Variants in LUZP2 observed in about 807,000 individuals in gnomAD.
LUZP2 encodes leucine zipper protein 2.
In LUZP2, 52 loss-of-function variants were observed where a neutral mutation model predicts 51.6. The observed-to-expected ratio is 1.01, with a 90% CI of 0.81 to 1.27. LUZP2 has a LOEUF of 1.27. Among genes scored for constraint, LUZP2 ranks in the 50% most tolerant of loss-of-function variants. The probability of loss-of-function intolerance (pLI) is 0.00; values close to 1 mark genes in which losing one functional copy is unlikely to be tolerated. For synonymous variants in LUZP2, 154 were observed against 137.3 expected (o/e 1.12, Z -0.85); for missense variants, 436 against 395.4 (o/e 1.10, Z -0.87).
chr11:24,617,160 T>C (rs898938089), intron 1 of LUZP2, among the ~76,000 whole-genome samples: 2 of 152,228 alleles, frequency 1.3e-5, no homozygotes, highest in African/African-American at 2.4e-5. Flanking sequence ...TTTTTCATTC[T>C]ATTTTCTTTA....
chr11:24,683,379 A>C (rs1474803567), intron 1 of LUZP2, among the ~76,000 whole-genome samples: 1 of 152,154 alleles, frequency 6.6e-6, no homozygotes, highest in African/African-American at 2.4e-5. Context: ...GGGCTTCTTT[A>C]TTTAGGAGTG....
intron 1 of LUZP2, among the ~76,000 whole-genome samples, chr11:24,497,700 G>C (rs1485259436): frequency 6.6e-6 from 1 of 152,158 alleles, no homozygotes; most frequent in Non-Finnish European, 1.5e-5. Context: ...AATAACCATA[G>C]AGCTTCTCCC....
intron 7 of LUZP2, among the ~76,000 whole-genome samples, chr11:24,941,946 G>T (rs926298014): frequency 6.6e-6 from 1 of 151,460 alleles, no homozygotes; most frequent in African/African-American, 2.4e-5. Flanking sequence ...TCCATGCCCT[G>T]CTTTCTTTTA....
intron 7 of LUZP2, among the ~76,000 whole-genome samples, chr11:24,968,986 C>A (rs973273030): frequency 1.2e-4 from 18 of 152,166 alleles, no homozygotes; most frequent in Admixed American, 5.2e-4. Flanking sequence ...TGTCTAGAAG[C>A]AGATAATTTG....
chr11:24,990,993 A>G (rs543095168), intron 9 of LUZP2, among the ~76,000 whole-genome samples: 1 of 151,552 alleles, frequency 6.6e-6, no homozygotes, highest in African/African-American at 2.4e-5. Flanking sequence ...TCCATAGGTT[A>G]TTGGAGAACA....
chr11:24,649,984 C>G (rs1000953908), intron 1 of LUZP2, among the ~76,000 whole-genome samples: 45 of 140,668 alleles, frequency 3.2e-4, no homozygotes, highest in Admixed American at 1.3e-3. Context: ...GAGACACACA[C>G]ACACACACAC....
chr11:24,866,804 A>G (rs1027449092), intron 5 of LUZP2, among the ~76,000 whole-genome samples: 8 of 152,170 alleles, frequency 5.3e-5, no homozygotes, highest in African/African-American at 1.7e-4. Flanking sequence ...TAATTAGTGC[A>G]GAAGTGTAGA....
chr11:24,910,041 A>G (rs1278542105), intron 6 of LUZP2, among the ~76,000 whole-genome samples: 3 of 152,148 alleles, frequency 2.0e-5, no homozygotes, highest in Non-Finnish European at 2.9e-5. Flanking sequence ...GGAGATGAAG[A>G]ACTTGTTGGG....
At chr11:24,902,261 A>G (rs1192198245) in intron 5 of LUZP2, among the ~76,000 whole-genome samples, 2 of 152,130 alleles carry the variant, frequency 1.3e-5, no homozygotes, top group African/African-American at 4.8e-5. Context: ...TTTGGCACCC[A>G]GGTACTAAGC....
intron 7 of LUZP2, among the ~76,000 whole-genome samples, chr11:24,954,264 C>A (rs1855157032): frequency 6.6e-6 from 1 of 152,046 alleles, no homozygotes; most frequent in Non-Finnish European, 1.5e-5. Flanking sequence ...AACTGTTTTT[C>A]TTCTACCTCC....
intron 1 of LUZP2, among the ~76,000 whole-genome samples, chr11:24,724,256 A>C (rs1858388897): frequency 6.6e-6 from 1 of 152,128 alleles, no homozygotes; most frequent in East Asian, 1.9e-4. Flanking sequence ...CTCAGTGATG[A>C]AGCATAACTT....
At chr11:24,720,966 C>G (rs1370160123) in intron 1 of LUZP2, among the ~76,000 whole-genome samples, 1 of 152,188 alleles carries the variant, frequency 6.6e-6, no homozygotes, top group Non-Finnish European at 1.5e-5. Context: ...GGATTACAAG[C>G]GTGAGCCAGA....
chr11:24,561,432 C>T (rs11028015), intron 1 of LUZP2, among the ~76,000 whole-genome samples: 63,455 of 151,626 alleles, frequency 0.42, 13,783 homozygotes, highest in African/African-American at 0.52. Context: ...AAAATGAAGC[C>T]CAGCATCTCA....
chr11:24,703,948 T>C (rs1251955908), intron 1 of LUZP2, among the ~76,000 whole-genome samples: 4 of 152,126 alleles, frequency 2.6e-5, no homozygotes, highest in South Asian at 2.1e-4. Context: ...AATAACCACA[T>C]AGATGTAAGG....
At chr11:24,722,903 T>G (rs1028945861) in intron 1 of LUZP2, among the ~76,000 whole-genome samples, 1 of 149,812 alleles carries the variant, frequency 6.7e-6, no homozygotes, top group African/African-American at 2.5e-5. Context: ...GGCAACAGAG[T>G]GAGACCTCAT....
intron 9 of LUZP2, among the ~76,000 whole-genome samples, chr11:24,990,537 A>T (rs548587441): frequency 6.6e-6 from 1 of 152,146 alleles, no homozygotes; most frequent in East Asian, 1.9e-4. Context: ...ATGAATTGAA[A>T]GGTAAATGCA....
intron 7 of LUZP2, among the ~76,000 whole-genome samples, chr11:24,930,133 G>A (rs1188759675): frequency 6.6e-6 from 1 of 152,122 alleles, no homozygotes; most frequent in Non-Finnish European, 1.5e-5. Flanking sequence ...TTTGTGTTGG[G>A]TGAGTCTCTT....
intron 8 of LUZP2, among the ~76,000 whole-genome samples, chr11:24,976,951 A>C (rs1311968321): frequency 6.6e-6 from 1 of 151,776 alleles, no homozygotes; most frequent in African/African-American, 2.4e-5. Context: ...ACCATGAATA[A>C]ACATGCTTTA....
At chr11:24,890,277 TC>T (rs1413662195) in intron 5 of LUZP2, among the ~76,000 whole-genome samples, 2 of 152,178 alleles carry the variant, frequency 1.3e-5, no homozygotes, top group Middle Eastern at 3.2e-3. Context: ...TATGTAGTTA[TC>T]AAAATAATTA....
Sources: gnomAD v4.1 joint callset for allele counts (sites outside exome capture counted in the v4.1 genomes callset) on GRCh38, gnomAD v4.1.1 for gene constraint, MANE v1.5 for transcripts, NCBI Gene and HGNC (gene_info 2026-07-23, HGNC 2026-07-21) for gene names.